Variants in MERTK observed in about 807,000 individuals in gnomAD.
MERTK encodes tyrosine-protein kinase Mer.
In MERTK, 69 loss-of-function variants were observed where a neutral mutation model predicts 99.3. The ratio of observed to expected loss-of-function variants is 0.70; its 90% confidence interval spans 0.57 to 0.85. The LOEUF (loss-of-function observed/expected upper bound fraction) is 0.85. MERTK is among the 40% of genes least tolerant of loss of function. MERTK has a pLI of 0.00. For missense variants in MERTK, 1,125 were observed against 1,249.4 expected (o/e 0.90, Z 1.50); for synonymous variants, 426 against 467.6 (o/e 0.91, Z 1.15).
chr2:111,993,682 C>G (rs1164446809), intron 8 of MERTK, among the ~76,000 whole-genome samples: 1 of 151,904 alleles, frequency 6.6e-6, no homozygotes, highest in Non-Finnish European at 1.5e-5. Context: ...ATGACAGTGA[C>G]TTTAAAATAA....
At chr2:111,967,125 T>C (rs1247374863) in intron 5 of MERTK, among the ~76,000 whole-genome samples, 2 of 152,212 alleles carry the variant, frequency 1.3e-5, no homozygotes, top group African/African-American at 4.8e-5. Flanking sequence ...GTTCCCACTG[T>C]CTGCTTGCTG....
At chr2:111,910,610 G>GTGTGTGTA (rs370882764) in intron 1 of MERTK, among the ~76,000 whole-genome samples, 35,705 of 143,070 alleles carry the variant, frequency 0.25, 4,879 homozygotes, top group East Asian at 0.6. Flanking sequence ...GTGTGTGTGT[G>GTGTGTGTA]TATATATATA....
intron 2 of MERTK, chr2:111,940,327 T>C (rs1047126281): frequency 1.8e-5 from 9 of 487,494 alleles, no homozygotes; most frequent in African/African-American, 1.8e-4. Context: ...TCCCAGCCTG[T>C]GGTCTGTCCT....
At chr2:111,916,635 T>G (rs1041346578) in intron 1 of MERTK, among the ~76,000 whole-genome samples, 1 of 152,212 alleles carries the variant, frequency 6.6e-6, no homozygotes, top group African/African-American at 2.4e-5. Flanking sequence ...GTTTCAAGCA[T>G]GTTCATAATT....
At chr2:112,019,344 C>CCG in intron 15 of MERTK, 69 bp from the exon 16 acceptor site, 1 of 1,135,248 alleles carries the variant, frequency 8.8e-7, no homozygotes. Context: ...TTTCCCCCCC[C>CCG]GGCAGAAACT....
intron 15 of MERTK, among the ~76,000 whole-genome samples, chr2:112,015,286 A>G (rs1298766268): frequency 1.3e-5 from 2 of 152,186 alleles, no homozygotes; most frequent in Non-Finnish European, 2.9e-5. Flanking sequence ...CATTCTCACC[A>G]GCAGTGTGTG....
At chr2:111,982,675 T>C (rs1217183752) in intron 7 of MERTK, among the ~76,000 whole-genome samples, 167 bp from the exon 8 acceptor site, 1 of 152,196 alleles carries the variant, frequency 6.6e-6, no homozygotes, top group East Asian at 1.9e-4. Context: ...CTCACTGATA[T>C]CTCAGTGAAA....
At chr2:111,976,059 C>T (rs547263015) in intron 7 of MERTK, among the ~76,000 whole-genome samples, 2 of 151,564 alleles carry the variant, frequency 1.3e-5, no homozygotes, top group South Asian at 2.1e-4. Flanking sequence ...TTTGCTAGAA[C>T]GGTTCACAGA....
At chr2:111,941,697 G>A (rs191956975) in intron 2 of MERTK, among the ~76,000 whole-genome samples, 1 of 152,040 alleles carries the variant, frequency 6.6e-6, no homozygotes, top group Non-Finnish European at 1.5e-5. Flanking sequence ...TCTAGAAAGC[G>A]ACAAGTATAA....
intron 18 of MERTK, 73 bp from the exon 19 acceptor site, chr2:112,028,278 A>G (rs1368509754): frequency 6.7e-7 from 1 of 1,486,670 alleles, no homozygotes; most frequent in East Asian, 2.3e-5. Context: ...AGATTCTGTA[A>G]AAACAAAGGC....
chr2:111,908,941 C>T (rs1053181300), intron 1 of MERTK, among the ~76,000 whole-genome samples: 4 of 151,926 alleles, frequency 2.6e-5, no homozygotes, highest in Admixed American at 1.3e-4. Context: ...ACAAGCAATC[C>T]GATTAAAAAA....
At position 111,965,114 on chromosome 2, in the gene MERTK, CA is replaced by C; in HGVS notation, c.758-74del. ...CCATGAACCAAGAAATAAAATAATA[CA>C]AAGACAACCATAGAATTGTAGTGAA... On this transcript the variant is annotated intron_variant, in intron 4 of 18. Transcript: ENST00000295408. The C allele has an allele frequency of 3.0e-6, 4 of 1,340,082 alleles. No individual in the cohort carries two copies. The South Asian group carries it at 4.8e-5, about 16-fold the overall frequency. The allele number at this position is 1,340,082 out of a possible 1,614,324, so 83.0% of individuals were successfully genotyped here. A position where few individuals can be genotyped will look rare whatever the true frequency, so the allele number is the denominator to read the frequency against.
At chr2:111,982,274 C>G (rs1264017469) in intron 7 of MERTK, among the ~76,000 whole-genome samples, 1 of 152,076 alleles carries the variant, frequency 6.6e-6, no homozygotes, top group Admixed American at 6.6e-5. Context: ...CCAGGCTGGT[C>G]TCAAACTCCT....
At chr2:111,929,669 C>G in intron 2 of MERTK, 129 bp downstream of exon 2, 2 of 665,328 alleles carry the variant, frequency 3.0e-6, no homozygotes, top group African/African-American at 1.9e-5. Flanking sequence ...TCATTGCAAC[C>G]TCCACCTCCT....
At chr2:111,913,405 G>A (rs1347512828) in intron 1 of MERTK, among the ~76,000 whole-genome samples, 1 of 152,122 alleles carries the variant, frequency 6.6e-6, no homozygotes, top group African/African-American at 2.4e-5. Flanking sequence ...ATTGTAAATG[G>A]TATTGTATTT....
In MERTK at chr2:111,898,685, C is replaced by G; in HGVS notation, c.-51C>G. On this transcript the variant is annotated 5_prime_UTR_variant, in exon 1 of 19. Coordinates refer to ENST00000295408, the MANE Select transcript of MERTK (RefSeq NM_006343.3). ...GGCCGGCGACAGGACAGGTTCGGGA[C>G]GTCCATCTGTCCATCCGTCCGGAGA... 1 of 1,578,386 alleles carries G rather than the reference C, an allele frequency of 6.3e-7. No individual in the cohort carries two copies. The highest frequency in any genetic ancestry group is 8.6e-7 in the Non-Finnish European group (1 of 1,159,332).
chr2:112,015,641 T>A (rs1257190606), intron 15 of MERTK, among the ~76,000 whole-genome samples: 43 of 152,206 alleles, frequency 2.8e-4, no homozygotes, highest in Non-Finnish European at 2.5e-4. Flanking sequence ...GTCATTGCAT[T>A]CTCTTAACAC....
chr2:112,017,339 G>A (rs1477904529), intron 15 of MERTK, among the ~76,000 whole-genome samples: 1 of 152,154 alleles, frequency 6.6e-6, no homozygotes, highest in Non-Finnish European at 1.5e-5. Context: ...ACTGATTGGT[G>A]CATTTACAAT....
chr2:111,919,036 G>C (rs1223711286), intron 1 of MERTK, among the ~76,000 whole-genome samples: 1 of 152,218 alleles, frequency 6.6e-6, no homozygotes, highest in Non-Finnish European at 1.5e-5. Context: ...AAAGAGGAGA[G>C]TGAGTTTTGA....
Sources: gnomAD v4.1 joint callset for allele counts (sites outside exome capture counted in the v4.1 genomes callset) on GRCh38, gnomAD v4.1.1 for gene constraint, MANE v1.5 for transcripts, NCBI Gene and HGNC (gene_info 2026-07-23, HGNC 2026-07-21) for gene names.